The following RNPC3 variants were observed in gnomAD, a reference collection of about 807,000 sequenced individuals.
RNPC3 encodes the protein RNA-binding region-containing protein 3.
Under a neutral mutation model 67.5 loss-of-function variants are expected in RNPC3, and 48 were observed. That is an observed-to-expected ratio of 0.71 (90% CI 0.56 to 0.90). The LOEUF (loss-of-function observed/expected upper bound fraction) is 0.90. RNPC3 is among the 40% of genes least tolerant of loss of function. The pLI, the probability that RNPC3 is intolerant of heterozygous loss-of-function variation, is 0.00. For missense variants in RNPC3, 637 were observed against 626.1 expected, an observed-to-expected ratio of 1.02 and a Z score of -0.19; for synonymous variants, 239 against 210.3, an observed-to-expected ratio of 1.14 and a Z score of -1.18.
intron 12 of RNPC3, among the ~76,000 whole-genome samples, chr1:103,547,573 A>G (rs909836146): frequency 6.6e-6 from 1 of 152,192 alleles, no homozygotes; most frequent in Admixed American, 6.5e-5. Context: ...CTTCTGATCC[A>G]AAGACTATGC....
At chr1:103,553,107 C>T (rs1651439077) in intron 14 of RNPC3, among the ~76,000 whole-genome samples, 1 of 152,002 alleles carries the variant, frequency 6.6e-6, no homozygotes, top group Admixed American at 6.6e-5. Flanking sequence ...TCTGAGATGG[C>T]TTGAATATTT....
Position 103,526,120 on chromosome 1 carries a change from C to T in RNPC3, c.50C>T (p.Ser17Phe). 6.4e-7 allele frequency: 1 copy of T among 1,551,082 alleles called. No homozygotes were observed. The highest frequency in any genetic ancestry group is 1.2e-5 in the South Asian group (1 of 83,960). ...PLAISRGCTS[S>F]SSLSPPRGDR... is the part of the protein sequence containing the mutation. ...GCGATATCAAGGGGATGCACGAGCT[C>T]CTCCTCGCTTTCCCCGCCTCGGGGC... The change falls in exon 1 of 15, where the codon TCC becomes TTC. Residue 17 changes from serine to phenylalanine, a missense_variant. Physicochemically the swap from Ser to Phe is radical, Grantham distance 155 (BLOSUM62 -2). Transcript: ENST00000423855.
At chr1:103,534,917 A>G in intron 4 of RNPC3, 60 bp downstream of exon 4, 2 of 948,658 alleles carry the variant, frequency 2.1e-6, no homozygotes, top group Non-Finnish European at 3.1e-6. Flanking sequence ...AGATGTACAG[A>G]TATCTTACTG....
chr1:103,539,229 G>T (rs542838036), intron 7 of RNPC3, among the ~76,000 whole-genome samples: 1 of 152,300 alleles, frequency 6.6e-6, no homozygotes, highest in East Asian at 1.9e-4. Flanking sequence ...GGTGTGAGTG[G>T]TTGGCATGAG....
intron 2 of RNPC3, among the ~76,000 whole-genome samples, chr1:103,531,444 G>C (rs552649771): frequency 2.0e-5 from 3 of 152,132 alleles, no homozygotes; most frequent in African/African-American, 7.2e-5. Flanking sequence ...CATACTTACT[G>C]TACTAGTTTA....
At chr1:103,532,632 C>T (rs1223567051) in intron 2 of RNPC3, among the ~76,000 whole-genome samples, 3 of 151,946 alleles carry the variant, frequency 2.0e-5, no homozygotes, top group African/African-American at 7.2e-5. Flanking sequence ...ACATTAAGAA[C>T]GTGAGAGAAG....
intron 14 of RNPC3, chr1:103,553,276 G>A (rs557480646): frequency 1.3e-5 from 2 of 152,318 alleles, no homozygotes; most frequent in African/African-American, 4.8e-5. Context: ...TTCTTTAGAA[G>A]CATTCCTGCG....
intron 2 of RNPC3, among the ~76,000 whole-genome samples, chr1:103,530,381 C>T (rs1044899221): frequency 1.3e-5 from 2 of 151,922 alleles, no homozygotes; most frequent in Non-Finnish European, 2.9e-5. Context: ...TTGAAGGATG[C>T]GAAGGGAGTT....
At position 103,537,200 on chromosome 1, in the gene RNPC3, A is replaced by G. The variant is rs940751609; in HGVS notation, c.625-142A>G. On this transcript the variant is annotated intron_variant, in intron 6 of 14. Coordinates refer to ENST00000423855, the MANE Select transcript of RNPC3 (RefSeq NM_017619.4). ...GTCATCAGCTAGTGATCTGCCATACAAGGTGTTCCCTTAATATGTGTAGAA... is the reference window on the plus strand; with the variant it reads ...GTCATCAGCTAGTGATCTGCCATACGAGGTGTTCCCTTAATATGTGTAGAA... 4 of 534,052 alleles carry G rather than the reference A, an allele frequency of 7.5e-6. No homozygotes were observed. In the African/African-American group the frequency reaches 7.8e-5, roughly 10 times the overall value. The allele number at this position is 534,052 out of a possible 1,614,324, so 33.1% of individuals were successfully genotyped here.
At chr1:103,527,043 C>T (rs1164889961) in intron 1 of RNPC3, among the ~76,000 whole-genome samples, 5 of 151,888 alleles carry the variant, frequency 3.3e-5, no homozygotes, top group African/African-American at 9.7e-5. Context: ...TTATATATGG[C>T]TCAATTTAAG....
Position 103,541,447 on chromosome 1 carries a change from T to C in RNPC3, c.865T>C (p.Leu289=). The part of the protein sequence containing the change: ...VRKKRKIKDM[L]NTPLCPSHSS... ...AAAAAAGAGAAAAATAAAGGATATG[T>C]TGAATACACCTTTGTGTCCTTCACA... The change falls in exon 8 of 15, where the codon TTG becomes CTG. Residue 289 remains leucine (L), a synonymous_variant. Coordinates refer to ENST00000423855, the MANE Select transcript of RNPC3 (RefSeq NM_017619.4). 1 of 1,496,872 alleles carries C rather than the reference T, an allele frequency of 6.7e-7. No homozygotes were observed. The highest frequency in any genetic ancestry group is 8.8e-7 in the Non-Finnish European group (1 of 1,133,060). The allele number at this position is 1,496,872 out of a possible 1,614,324, so 92.7% of individuals were successfully genotyped here. A position where few individuals can be genotyped will look rare whatever the true frequency, so the allele number is the denominator to read the frequency against.
intron 1 of RNPC3, among the ~76,000 whole-genome samples, 182 bp downstream of exon 1, chr1:103,526,444 C>T (rs911375314): frequency 1.3e-5 from 2 of 152,096 alleles, no homozygotes; most frequent in African/African-American, 2.4e-5. Flanking sequence ...TTAATCGGCT[C>T]GAGTCTGGAT....
intron 3 of RNPC3, among the ~76,000 whole-genome samples, chr1:103,534,550 C>T (rs1038022423): frequency 1.3e-5 from 2 of 151,262 alleles, no homozygotes; most frequent in Admixed American, 6.6e-5. Context: ...GTGTAGTGCT[C>T]AATGTAATAA....
At chr1:103,551,627 C>CCATACTCCCAAAATTAAAAAAA in intron 13 of RNPC3, 94 bp from the exon 14 acceptor site, 4 of 747,004 alleles carry the variant, frequency 5.4e-6, no homozygotes, top group Non-Finnish European at 8.7e-6. Context: ...AATTAAAAAA[C>CCATACTCCCAAAATTAAAAAAA]CATACTCCCA....
rs1350321894 is a variant in RNPC3, at chr1:103,533,799, A to G, written c.301A>G (p.Lys101Glu). The change falls in exon 3 of 15, where the codon AAA (lysine) becomes GAA (glutamate). Residue 101 changes from lysine to glutamate, a missense_variant. Physicochemically the swap from Lys to Glu is moderately conservative, Grantham distance 56. Coordinates refer to ENST00000423855, the MANE Select transcript of RNPC3 (RefSeq NM_017619.4). ...LGHTLVVEFA[K>E]EQDRVHSPCP... ...TCATACTTTAGTCGTTGAATTTGCA[A>G]AAGAGCAAGATCGAGTTCACTCCCC... 6.5e-7 allele frequency: 1 copy of G among 1,535,764 alleles called. No homozygotes were observed. Among genetic ancestry groups the G allele is most frequent in the Non-Finnish European group, 8.7e-7 (1 of 1,145,784 alleles).
intron 2 of RNPC3, among the ~76,000 whole-genome samples, chr1:103,528,521 T>G (rs1296591006): frequency 6.6e-6 from 1 of 152,128 alleles, no homozygotes; most frequent in Non-Finnish European, 1.5e-5. Flanking sequence ...ATATAGGGGT[T>G]GAGAGAGAAT....
intron 12 of RNPC3, among the ~76,000 whole-genome samples, chr1:103,548,708 G>A (rs1651308758): frequency 6.6e-6 from 1 of 152,116 alleles, no homozygotes; most frequent in Non-Finnish European, 1.5e-5. Context: ...TTCCAAAGTT[G>A]CTTCCACATT....
At chr1:103,551,226 A>G in intron 13 of RNPC3, 153 bp downstream of exon 13, 1 of 618,258 alleles carries the variant, frequency 1.6e-6, no homozygotes, top group South Asian at 2.3e-5. Context: ...ACTGAGTCAG[A>G]TGACAGTGTT....
intron 6 of RNPC3, among the ~76,000 whole-genome samples, 165 bp downstream of exon 6, chr1:103,536,359 TAAA>T (rs1650987430): frequency 6.6e-6 from 1 of 152,144 alleles, no homozygotes; most frequent in African/African-American, 2.4e-5. Context: ...GTTAAGTGAG[TAAA>T]AGCCGGAATA....
Sources: gnomAD v4.1 joint callset for allele counts (sites outside exome capture counted in the v4.1 genomes callset) on GRCh38, gnomAD v4.1.1 for gene constraint, MANE v1.5 for transcripts, NCBI Gene and HGNC (gene_info 2026-07-23, HGNC 2026-07-21) for gene names.